PVT1: variants seen among roughly 807,000 people sequenced by gnomAD.
PVT1 encodes the protein Pvt1 oncogene.
chr8:127,970,285 A>ATTTGT lies in PVT1; in HGVS notation n.783-18873_783-18869dup, dbSNP rs1816748482. Among the ~76,000 whole-genome samples, 6 of 26,816 alleles carry ATTTGT rather than the reference A, an allele frequency of 2.2e-4. 2 individuals carry two copies. The highest frequency in any genetic ancestry group is 3.9e-4 in the Non-Finnish European group (5 of 12,946). The allele number at this position is 26,816 out of a possible 152,430, so 17.6% of individuals were successfully genotyped here. A position where few individuals can be genotyped will look rare whatever the true frequency, so the allele number is the denominator to read the frequency against. ...TTCACATTCCTCTCCATCTGCCATG[A>ATTTGT]TTTGTTTTTTTTTTTTTTTTTTTTT... On this transcript the variant is annotated intron_variant and non_coding_transcript_variant, in intron 3 of 10. Transcript: ENST00000651587.
intron 4 of PVT1, among the ~76,000 whole-genome samples, chr8:128,028,200 G>A (rs913114891): frequency 1.3e-5 from 2 of 152,268 alleles, no homozygotes; most frequent in Non-Finnish European, 2.9e-5. Context: ...TGGCCCGAGC[G>A]CGCAAGGCAG....
intron 2 of PVT1, among the ~76,000 whole-genome samples, chr8:127,826,994 C>CTTTTTTTTTTTT (rs5894901): frequency 2.1e-4 from 24 of 113,920 alleles, no homozygotes; most frequent in South Asian, 2.9e-4. Flanking sequence ...TTCTTTTTCT[C>CTTTTTTTTTTTT]TTTTTTTTTT....
chr8:128,092,219 C>T (rs1814365674), intron 5 of PVT1, among the ~76,000 whole-genome samples: 1 of 152,184 alleles, frequency 6.6e-6, no homozygotes, highest in African/African-American at 2.4e-5. Context: ...CCTTTTCCAT[C>T]TCCCCTTCCA....
At chr8:128,077,941 A>T (rs895116749) in intron 5 of PVT1, among the ~76,000 whole-genome samples, 1 of 152,206 alleles carries the variant, frequency 6.6e-6, no homozygotes, top group Non-Finnish European at 1.5e-5. Context: ...ACAAAAATAA[A>T]TTTCCTGACA....
At chr8:128,046,104 T>G (rs1197775804) in intron 4 of PVT1, among the ~76,000 whole-genome samples, 2 of 152,208 alleles carry the variant, frequency 1.3e-5, no homozygotes, top group African/African-American at 2.4e-5. Context: ...AAGCAAGTGT[T>G]AGCTCGAACC....
intron 5 of PVT1, among the ~76,000 whole-genome samples, chr8:128,079,032 T>TAAGA (rs1814136430): frequency 6.6e-6 from 1 of 151,390 alleles, no homozygotes; most frequent in Non-Finnish European, 1.5e-5. Flanking sequence ...ACATAGTTGT[T>TAAGA]ATCTTAAGGT....
chr8:127,895,496 AG>A (rs1815664117), intron 3 of PVT1, among the ~76,000 whole-genome samples: 1 of 149,550 alleles, frequency 6.7e-6, no homozygotes, highest in African/African-American at 2.5e-5. Context: ...AATAAATAAA[AG>A]ATAATATTAC....
intron 2 of PVT1, among the ~76,000 whole-genome samples, chr8:127,890,214 C>T (rs1173758940): frequency 6.6e-6 from 1 of 152,210 alleles, no homozygotes; most frequent in East Asian, 1.9e-4. Context: ...GCAGGGACCT[C>T]TCAGCCCTGC....
intron 2 of PVT1, among the ~76,000 whole-genome samples, chr8:127,882,482 G>T (rs1024602936): frequency 1.3e-5 from 2 of 151,828 alleles, no homozygotes; most frequent in Middle Eastern, 6.8e-3. Context: ...CAGTTTTGAA[G>T]AAATCTTTTT....
intron 3 of PVT1, among the ~76,000 whole-genome samples, chr8:127,920,189 T>C (rs1333897762): frequency 6.6e-6 from 1 of 152,240 alleles, no homozygotes; most frequent in Admixed American, 6.5e-5. Context: ...CATCCAATGA[T>C]AATCAGTCAT....
chr8:127,828,815 A>C (rs985922129), intron 2 of PVT1, among the ~76,000 whole-genome samples: 4 of 151,970 alleles, frequency 2.6e-5, no homozygotes, highest in African/African-American at 9.7e-5. Flanking sequence ...GAGATGGACT[A>C]TTTTTTTCCC....
chr8:128,021,571 G>A (rs1260360417), intron 4 of PVT1, among the ~76,000 whole-genome samples: 1 of 152,042 alleles, frequency 6.6e-6, no homozygotes, highest in African/African-American at 2.4e-5. Flanking sequence ...GGGATTACAG[G>A]CGTGAGCAAC....
chr8:127,933,902 C>T (rs965952364), intron 3 of PVT1, among the ~76,000 whole-genome samples: 1 of 152,182 alleles, frequency 6.6e-6, no homozygotes, highest in South Asian at 2.1e-4. Flanking sequence ...TTGTTTGAGC[C>T]TCTAAAGTGA....
intron 4 of PVT1, among the ~76,000 whole-genome samples, chr8:128,022,190 T>TA (rs1367958041): frequency 6.6e-6 from 1 of 152,198 alleles, no homozygotes; most frequent in Non-Finnish European, 1.5e-5. Flanking sequence ...GGAGGTGGGT[T>TA]ACAATGTGCT....
intron 4 of PVT1, among the ~76,000 whole-genome samples, chr8:128,066,658 A>T (rs1256644119): frequency 6.6e-6 from 1 of 152,144 alleles, no homozygotes; most frequent in Non-Finnish European, 1.5e-5. Flanking sequence ...GGCTCTAATG[A>T]CTTGGTGTTG....
chr8:127,900,572 A>G (rs1815746886), intron 3 of PVT1, among the ~76,000 whole-genome samples: 1 of 152,172 alleles, frequency 6.6e-6, no homozygotes, highest in Non-Finnish European at 1.5e-5. Context: ...AGATGTCTGC[A>G]CTTTCCTCTT....
At chr8:127,948,028 G>T (rs1401815952) in intron 3 of PVT1, 3 of 407,640 alleles carry the variant, frequency 7.4e-6, no homozygotes, top group Non-Finnish European at 1.5e-5. Flanking sequence ...TCTGCTGTTG[G>T]TCTCATTTGT....
intron 3 of PVT1, among the ~76,000 whole-genome samples, chr8:127,913,750 G>T (rs1815939749): frequency 6.6e-6 from 1 of 152,164 alleles, no homozygotes; most frequent in Non-Finnish European, 1.5e-5. Context: ...CAGGGTCTGT[G>T]TGGGATTAAG....
At chr8:128,038,991 AG>A (rs1813497715) in intron 4 of PVT1, among the ~76,000 whole-genome samples, 1 of 152,116 alleles carries the variant, frequency 6.6e-6, no homozygotes, top group Non-Finnish European at 1.5e-5. Flanking sequence ...GTACTGTCTG[AG>A]GGAGGGAAGG....
Sources: gnomAD v4.1 joint callset for allele counts (sites outside exome capture counted in the v4.1 genomes callset) on GRCh38, gnomAD v4.1.1 for gene constraint, MANE v1.5 for transcripts, NCBI Gene and HGNC (gene_info 2026-07-23, HGNC 2026-07-21) for gene names.